The following KCNIP4 variants were observed in gnomAD, a reference collection of about 807,000 sequenced individuals.
KCNIP4 encodes the protein Kv channel-interacting protein 4.
KCNIP4 carries 12 observed loss-of-function variants against 34.0 expected under a neutral mutation model. The ratio of observed to expected loss-of-function variants is 0.35; its 90% CI spans 0.23 to 0.57. KCNIP4 has a LOEUF of 0.57. Among genes scored for constraint, KCNIP4 ranks in the 20% least tolerant of loss-of-function variants. The probability of loss-of-function intolerance (pLI) is 0.83; values close to 1 mark genes in which losing one functional copy is unlikely to be tolerated. For synonymous variants in KCNIP4, 124 were observed against 102.2 expected, an observed-to-expected ratio of 1.21 and a Z score of -1.29; for missense variants, 238 against 311.7, an observed-to-expected ratio of 0.76 and a Z score of 1.78.
At chr4:21,865,136 G>A (rs1725340906) in intron 1 of KCNIP4, among the ~76,000 whole-genome samples, 1 of 151,754 alleles carries the variant, frequency 6.6e-6, no homozygotes, top group African/African-American at 2.4e-5. Flanking sequence ...TTAAAAAAAA[G>A]CTAATTGATG....
intron 1 of KCNIP4, among the ~76,000 whole-genome samples, chr4:21,632,109 CA>C (rs1182779399): frequency 6.6e-6 from 1 of 152,144 alleles, no homozygotes; most frequent in African/African-American, 2.4e-5. Context: ...TTGCTTATGT[CA>C]ACTTTCACAG....
intron 1 of KCNIP4, among the ~76,000 whole-genome samples, chr4:21,794,191 G>T (rs1454032070): frequency 6.6e-6 from 1 of 152,142 alleles, no homozygotes; most frequent in African/African-American, 2.4e-5. Context: ...GTTAACGGGT[G>T]CAGCACACCA....
At chr4:21,519,730 GTATATGTATGATACACACGTGTGTGTA>G (rs1392778547) in intron 1 of KCNIP4, among the ~76,000 whole-genome samples, 37 of 119,458 alleles carry the variant, frequency 3.1e-4, no homozygotes, top group African/African-American at 1.2e-3. Flanking sequence ...ACACACGTGT[GTATATGTATGATACACACGTGTGTGTA>G]TGTATGTGTG....
chr4:21,305,540 C>A (rs866684822), intron 1 of KCNIP4, among the ~76,000 whole-genome samples: 2 of 152,162 alleles, frequency 1.3e-5, no homozygotes, highest in African/African-American at 2.4e-5. Flanking sequence ...GGAGGAAGTG[C>A]AGTCCTCCTC....
At chr4:21,805,774 G>C (rs1721254853) in intron 1 of KCNIP4, among the ~76,000 whole-genome samples, 1 of 152,056 alleles carries the variant, frequency 6.6e-6, no homozygotes, top group Admixed American at 6.6e-5. Context: ...CACCCTTCCT[G>C]AGCCCTGGCC....
intron 1 of KCNIP4, among the ~76,000 whole-genome samples, chr4:21,682,222 T>C (rs747339905): frequency 2.2e-4 from 33 of 152,214 alleles, no homozygotes; most frequent in Non-Finnish European, 4.6e-4. Context: ...TGACCAGCTA[T>C]TGCAAAAACC....
At chr4:20,835,289 G>A (rs1371366257) in intron 3 of KCNIP4, among the ~76,000 whole-genome samples, 4 of 151,910 alleles carry the variant, frequency 2.6e-5, no homozygotes, top group Admixed American at 6.6e-5. Context: ...AGTCCCTCCT[G>A]ACCAGGACTA....
intron 3 of KCNIP4, among the ~76,000 whole-genome samples, chr4:20,800,799 A>G (rs1311376393): frequency 6.6e-6 from 1 of 152,180 alleles, no homozygotes; most frequent in Non-Finnish European, 1.5e-5. Flanking sequence ...GGATATCATT[A>G]AGCAAATAAA....
chr4:21,116,645 T>C (rs1225567236), intron 1 of KCNIP4, among the ~76,000 whole-genome samples: 1 of 152,214 alleles, frequency 6.6e-6, no homozygotes, highest in African/African-American at 2.4e-5. Flanking sequence ...TTCCCAAGAT[T>C]GGTTTTGTTA....
At chr4:21,714,043 T>C (rs987192006) in intron 1 of KCNIP4, among the ~76,000 whole-genome samples, 1 of 152,242 alleles carries the variant, frequency 6.6e-6, no homozygotes, top group African/African-American at 2.4e-5. Context: ...ATATTGTGTG[T>C]AAATACATCA....
chr4:20,730,784 G>T (rs1319505292), intron 8 of KCNIP4, among the ~76,000 whole-genome samples: 3 of 152,212 alleles, frequency 2.0e-5, no homozygotes, highest in Non-Finnish European at 4.4e-5. Flanking sequence ...TTAGGGGACA[G>T]ACTTTGGGCA....
chr4:21,473,503 A>C (rs1256004923), intron 1 of KCNIP4, among the ~76,000 whole-genome samples: 1 of 152,198 alleles, frequency 6.6e-6, no homozygotes, highest in Non-Finnish European at 1.5e-5. Context: ...AAAAAATCTG[A>C]AGACAGAATC....
chr4:21,059,855 C>T (rs1026271784), intron 1 of KCNIP4, among the ~76,000 whole-genome samples: 12 of 152,196 alleles, frequency 7.9e-5, no homozygotes, highest in Non-Finnish European at 1.3e-4. Context: ...ACATGAGACA[C>T]TGTGGTAGAC....
intron 3 of KCNIP4, among the ~76,000 whole-genome samples, chr4:20,833,821 T>C (rs1185262211): frequency 6.6e-6 from 1 of 152,246 alleles, no homozygotes; most frequent in African/African-American, 2.4e-5. Flanking sequence ...TGCTCATTTT[T>C]ACTTCAGTAA....
intron 1 of KCNIP4, among the ~76,000 whole-genome samples, chr4:21,234,133 A>T (rs1360946370): frequency 1.0e-5 from 1 of 95,448 alleles, no homozygotes; most frequent in Non-Finnish European, 2.0e-5. Context: ...AACATATATA[A>T]CGTATATTAT....
At chr4:21,686,585 A>G (rs1053098354) in intron 1 of KCNIP4, among the ~76,000 whole-genome samples, 1 of 152,224 alleles carries the variant, frequency 6.6e-6, no homozygotes, top group African/African-American at 2.4e-5. Context: ...CATAAGATGT[A>G]TGACTTTTTA....
intron 3 of KCNIP4, among the ~76,000 whole-genome samples, chr4:20,808,608 C>T (rs997867938): frequency 2.0e-5 from 3 of 152,180 alleles, no homozygotes; most frequent in Non-Finnish European, 4.4e-5. Context: ...GCTAGTTTAG[C>T]TAATTTGCTT....
At chr4:21,098,199 A>G (rs1747627102) in intron 1 of KCNIP4, among the ~76,000 whole-genome samples, 1 of 152,196 alleles carries the variant, frequency 6.6e-6, no homozygotes, top group Admixed American at 6.6e-5. Flanking sequence ...TAAGGAAAGA[A>G]GTTGTCTCCA....
intron 3 of KCNIP4, among the ~76,000 whole-genome samples, chr4:20,803,735 A>AAGGG (rs1714711244): frequency 7.1e-6 from 1 of 141,082 alleles, no homozygotes; most frequent in African/African-American, 2.7e-5. Flanking sequence ...GAGAGGAAGG[A>AAGGG]AGGAAGGAAG....
Sources: allele counts gnomAD v4.1 joint callset (sites outside exome capture counted in the v4.1 genomes callset), GRCh38; gene constraint gnomAD v4.1.1; transcripts MANE v1.5; gene names NCBI Gene and HGNC (gene_info 2026-07-23, HGNC 2026-07-21).